The following NBAS variants were observed in gnomAD, a reference collection of about 807,000 sequenced individuals.
The protein encoded by NBAS is NBAS subunit of NRZ tethering complex, also known as NAG/BC035112 fusion.
A neutral mutation model predicts 302.5 loss-of-function variants in NBAS; 219 were observed. The ratio of observed to expected loss-of-function variants is 0.72; its 90% CI spans 0.65 to 0.81. The LOEUF (loss-of-function observed/expected upper bound fraction) is 0.81. NBAS is among the 30% of genes least tolerant of loss of function. NBAS has a pLI of 0.00. For missense variants in NBAS, 2,932 were observed against 2,841.6 expected (o/e 1.03, Z -0.72); for synonymous variants, 1,118 against 1,021.6 (o/e 1.09, Z -1.80).
the NBAS span, among the ~76,000 whole-genome samples, chr2:15,151,183 T>C: frequency 0.021 from 3,219 of 152,302 alleles, 124 homozygotes; most frequent in African/African-American, 0.073. Context: ...CTGTGGAGGA[T>C]TTAATGATCA....
At chr2:15,482,661 C>G (rs936624329) in intron 12 of NBAS, among the ~76,000 whole-genome samples, 32 of 148,934 alleles carry the variant, frequency 2.1e-4, no homozygotes, top group African/African-American at 7.9e-4. Context: ...AAAAGGCAAG[C>G]AAAGAAAGGT....
the NBAS span, among the ~76,000 whole-genome samples, chr2:14,903,327 C>CAA: frequency 9.6e-5 from 6 of 62,576 alleles, no homozygotes; most frequent in African/African-American, 3.2e-4. Context: ...ATAAGCTTTG[C>CAA]AAAAAAAAAA....
intron 33 of NBAS, 64 bp downstream of exon 33, chr2:15,356,239 C>G: frequency 7.4e-7 from 1 of 1,356,246 alleles, no homozygotes; most frequent in Non-Finnish European, 1.1e-6. Context: ...TCAGAACAGA[C>G]CTTTTCCATT....
chr2:15,042,509 G>A, the NBAS span, among the ~76,000 whole-genome samples: 1 of 152,210 alleles, frequency 6.6e-6, no homozygotes, highest in Non-Finnish European at 1.5e-5. Context: ...AGAGAAGAAA[G>A]GGCACACCAA....
chr2:15,105,866 C>T, the NBAS span, among the ~76,000 whole-genome samples: 996 of 152,188 alleles, frequency 6.5e-3, 8 homozygotes, highest in African/African-American at 0.022. Flanking sequence ...GTCCAAGGCA[C>T]GCACGCAGAG....
chr2:15,167,925 G>A (rs979756592), intron 51 of NBAS, among the ~76,000 whole-genome samples: 5 of 152,142 alleles, frequency 3.3e-5, no homozygotes, highest in African/African-American at 4.8e-5. Flanking sequence ...CCACTGATAC[G>A]AGTAAGATAA....
At chr2:15,322,169 A>G (rs1051639852) in intron 38 of NBAS, among the ~76,000 whole-genome samples, 3 of 143,462 alleles carry the variant, frequency 2.1e-5, no homozygotes, top group Non-Finnish European at 4.6e-5. Context: ...GTTCTTACTC[A>G]TAGGTGGGAA....
intron 11 of NBAS, among the ~76,000 whole-genome samples, chr2:15,496,081 C>T (rs1157183116): frequency 6.9e-4 from 96 of 139,496 alleles, no homozygotes; most frequent in African/African-American, 2.5e-3. Context: ...TATACACACA[C>T]ACATACATAT....
At chr2:15,025,821 G>A in the NBAS span, among the ~76,000 whole-genome samples, 3 of 152,178 alleles carry the variant, frequency 2.0e-5, no homozygotes, top group African/African-American at 7.2e-5. Flanking sequence ...TTTGTATCCT[G>A]AAACTTCAAT....
intron 31 of NBAS, among the ~76,000 whole-genome samples, chr2:15,369,957 A>C (rs1674404725): frequency 6.6e-6 from 1 of 152,222 alleles, no homozygotes; most frequent in Non-Finnish European, 1.5e-5. Context: ...ACAGAGGCCC[A>C]CAACATATGA....
chr2:15,055,928 G>T, the NBAS span, among the ~76,000 whole-genome samples: 1 of 152,214 alleles, frequency 6.6e-6, no homozygotes, highest in Admixed American at 6.5e-5. Flanking sequence ...TATAAATTCT[G>T]CAAATTTGTA....
At chr2:15,038,953 G>A in the NBAS span, among the ~76,000 whole-genome samples, 13 of 152,280 alleles carry the variant, frequency 8.5e-5, no homozygotes, top group South Asian at 4.1e-4. Flanking sequence ...CATCATCTTC[G>A]TTGGCCTAGT....
chr2:15,383,340 CAAGG>C lies in NBAS; in HGVS notation c.3258-27_3258-24del, dbSNP rs752904578. ...TGCCTGGAAAAACACATAAAAAAGA[CAAGG>C]AAGAGGGAAAGAAAACAATTAAAAT... On this transcript the variant is annotated intron_variant, in intron 28 of 51. Coordinates refer to ENST00000281513, the MANE Select transcript of NBAS (RefSeq NM_015909.4). 2.5e-6 allele frequency: 4 copies of C among 1,596,346 alleles called. No individual in the cohort carries two copies. The African/African-American group carries it at 4.0e-5, about 16-fold the overall frequency.
At chr2:15,462,622 TGAGG>T (rs955419969) in intron 19 of NBAS, among the ~76,000 whole-genome samples, 31 of 126,222 alleles carry the variant, frequency 2.5e-4, no homozygotes, top group Admixed American at 1.7e-3. Context: ...GTGGAGGAGG[TGAGG>T]GAGGGAGGGA....
intron 51 of NBAS, among the ~76,000 whole-genome samples, chr2:15,173,344 T>C (rs986447105): frequency 6.6e-6 from 1 of 152,202 alleles, no homozygotes; most frequent in Admixed American, 6.5e-5. Flanking sequence ...CTAAGAGTAA[T>C]TACAATAATG....
chr2:15,122,163 T>C, the NBAS span, among the ~76,000 whole-genome samples: 5 of 152,142 alleles, frequency 3.3e-5, no homozygotes, highest in East Asian at 9.6e-4. Flanking sequence ...TTGCATTGTT[T>C]TAAAGAAATA....
the NBAS span, among the ~76,000 whole-genome samples, chr2:14,842,857 A>C: frequency 8.2e-3 from 1,236 of 151,096 alleles, 16 homozygotes; most frequent in African/African-American, 0.028. Context: ...AAAAAAAAAA[A>C]AAAAAAACAT....
rs1185169539 is a variant in NBAS, at chr2:15,478,303, T to A, written c.1084-14A>T. 1 of 1,596,822 alleles carries A rather than the reference T, an allele frequency of 6.3e-7. No individual in the cohort carries two copies. Among genetic ancestry groups the A allele is most frequent in the Non-Finnish European group, 8.6e-7 (1 of 1,164,592 alleles). On this transcript the variant is annotated splice_polypyrimidine_tract_variant and intron_variant, in intron 12 of 51. Coordinates refer to ENST00000281513, the MANE Select transcript of NBAS (RefSeq NM_015909.4). Reference sequence around the variant, plus strand: ...ATCATAGCCTGGCTAAATATGAAAATAATGACTTCCTGAGTGAACTATGTA... The same window carrying A: ...ATCATAGCCTGGCTAAATATGAAAAAAATGACTTCCTGAGTGAACTATGTA...
At chr2:15,176,489 A>G (rs1445663072) in intron 51 of NBAS, among the ~76,000 whole-genome samples, 2 of 151,974 alleles carry the variant, frequency 1.3e-5, no homozygotes, top group East Asian at 3.9e-4. Flanking sequence ...ACATACACTC[A>G]AGAGTGTCTG....
Sources: gnomAD v4.1 joint callset for allele counts (sites outside exome capture counted in the v4.1 genomes callset) on GRCh38, gnomAD v4.1.1 for gene constraint, MANE v1.5 for transcripts, NCBI Gene and HGNC (gene_info 2026-07-23, HGNC 2026-07-21) for gene names.